Variants in RAPGEF5 observed in about 807,000 individuals in gnomAD.
RAPGEF5 encodes the protein M-Ras-regulated GEF.
Under a neutral mutation model 125.2 loss-of-function variants are expected in RAPGEF5, and 65 were observed. The observed-to-expected ratio is 0.52, with a 90% CI of 0.43 to 0.64. The LOEUF (loss-of-function observed/expected upper bound fraction) is 0.64. RAPGEF5 is among the 30% of genes least tolerant of loss of function. The probability of loss-of-function intolerance (pLI) is 0.00; values close to 1 mark genes in which losing one functional copy is unlikely to be tolerated. For missense variants in RAPGEF5, 958 were observed against 1,048.1 expected (o/e 0.91, Z 1.19); for synonymous variants, 391 against 385.9 (o/e 1.01, Z -0.16).
chr7:22,315,267 C>T (rs1278649050), intron 3 of RAPGEF5, 103 bp downstream of exon 3: 2 of 1,351,824 alleles, frequency 1.5e-6, no homozygotes, highest in African/African-American at 1.5e-5. Flanking sequence ...CCTCCTACTA[C>T]TGATATTGTC....
intron 7 of RAPGEF5, among the ~76,000 whole-genome samples, chr7:22,236,969 C>T (rs1308020982): frequency 6.6e-6 from 1 of 152,204 alleles, no homozygotes; most frequent in Non-Finnish European, 1.5e-5. Flanking sequence ...CCTCAAAGGC[C>T]AGGCCATTAG....
At chr7:22,309,305 A>G (rs1783416769) in intron 4 of RAPGEF5, among the ~76,000 whole-genome samples, 2 of 152,224 alleles carry the variant, frequency 1.3e-5, no homozygotes, top group South Asian at 4.1e-4. Context: ...TATCTGTACC[A>G]TTCTTTCACA....
chr7:22,129,777 C>T (rs187906010), intron 24 of RAPGEF5, among the ~76,000 whole-genome samples: 1 of 152,236 alleles, frequency 6.6e-6, no homozygotes, highest in East Asian at 1.9e-4. Flanking sequence ...TGATGGTCTT[C>T]GGTGTGGTTA....
At chr7:22,324,279 C>T (rs187975027) in intron 1 of RAPGEF5, among the ~76,000 whole-genome samples, 1 of 152,218 alleles carries the variant, frequency 6.6e-6, no homozygotes, top group African/African-American at 2.4e-5. Flanking sequence ...AAGTAACTGG[C>T]CTGTACTTTG....
chr7:22,145,857 T>G (rs1016348521), intron 19 of RAPGEF5, among the ~76,000 whole-genome samples: 2 of 152,140 alleles, frequency 1.3e-5, no homozygotes, highest in Middle Eastern at 3.2e-3. Flanking sequence ...GAGAATGAGA[T>G]TAGGGCAAGG....
intron 20 of RAPGEF5, among the ~76,000 whole-genome samples, chr7:22,141,276 T>TC (rs1783251270): frequency 6.6e-6 from 1 of 152,252 alleles, no homozygotes; most frequent in Admixed American, 6.5e-5. Flanking sequence ...GTGATTTTTT[T>TC]CCCATTACAT....
At chr7:22,173,332 C>A (rs534052040) in intron 11 of RAPGEF5, among the ~76,000 whole-genome samples, 1 of 152,318 alleles carries the variant, frequency 6.6e-6, no homozygotes, top group South Asian at 2.1e-4. Context: ...ATATTAACGA[C>A]CTCGAACGCA....
intron 7 of RAPGEF5, among the ~76,000 whole-genome samples, chr7:22,237,868 T>C (rs1448620542): frequency 6.6e-6 from 1 of 152,182 alleles, no homozygotes; most frequent in African/African-American, 2.4e-5. Flanking sequence ...AGGTAGTCAA[T>C]TCAGACAGTA....
At chr7:22,316,108 T>C (rs114042762) in intron 2 of RAPGEF5, among the ~76,000 whole-genome samples, 2,606 of 152,210 alleles carry the variant, frequency 0.017, 66 homozygotes, top group African/African-American at 0.059. Flanking sequence ...TATGAGTCTC[T>C]GGTTCTTGGA....
intron 25 of RAPGEF5, among the ~76,000 whole-genome samples, chr7:22,124,062 T>C (rs769527012): frequency 1.4e-4 from 22 of 152,250 alleles, no homozygotes; most frequent in African/African-American, 4.1e-4. Flanking sequence ...ACTGGCTTGA[T>C]AGTTACTTAA....
chr7:22,253,432 A>G (rs911569044), intron 7 of RAPGEF5, among the ~76,000 whole-genome samples: 2 of 152,204 alleles, frequency 1.3e-5, no homozygotes, highest in East Asian at 1.9e-4. Flanking sequence ...GGAAAAATCA[A>G]TTCTGAGAGG....
rs758972263 is a variant in RAPGEF5 at position 22,219,919 on chromosome 7, C to T, written c.943G>A (p.Glu315Lys). Residue 315 changes from glutamate to lysine, a missense_variant, in exon 9 of 26, where the codon GAA becomes AAA. Coordinates refer to ENST00000665637, the MANE Select transcript of RAPGEF5 (RefSeq NM_012294.5). The stretch of plus-strand genomic sequence containing the variant: ...TCCGTCTGCAAAAACTGATAGTTTT[C>T]TTTTGCCAGCTTCTGGACTAGTTCA... ...RIELVQKLAK[E>K]NYQFLQTDKK... The T allele has an allele frequency of 6.2e-6, 10 of 1,613,298 alleles. No homozygotes were observed.
At chr7:22,140,917 TA>T (rs796982316) in intron 20 of RAPGEF5, among the ~76,000 whole-genome samples, 2 of 151,446 alleles carry the variant, frequency 1.3e-5, no homozygotes, top group Admixed American at 6.6e-5. Context: ...TTTAAAATAA[TA>T]AAAAAAAATT....
intron 9 of RAPGEF5, among the ~76,000 whole-genome samples, chr7:22,217,084 T>C (rs1785656069): frequency 6.6e-6 from 1 of 152,372 alleles, no homozygotes; most frequent in East Asian, 1.9e-4. Flanking sequence ...TGAAGGTTAG[T>C]CAAAAGAATG....
chr7:22,355,836 G>T, intron 1 of RAPGEF5: 1 of 512,942 alleles, frequency 1.9e-6, no homozygotes, highest in Non-Finnish European at 2.5e-6. Flanking sequence ...AGAGCTAGAA[G>T]TCTCCCAGCA....
chr7:22,284,067 C>CTGTGTGTG lies in RAPGEF5; in HGVS notation c.747+7100_747+7107dup, dbSNP rs1554273151. The stretch of plus-strand genomic sequence containing the variant: ...TGGCTTAGTAATTAATTTTAAAAAG[C>CTGTGTGTG]TGTGTGTGTGTGTGTGTGTGTGCGC... On this transcript the variant is annotated intron_variant, in intron 6 of 25. Transcript: ENST00000665637. Among the ~76,000 whole-genome samples the CTGTGTGTG allele has an allele frequency of 1.4e-3, 209 of 149,682 alleles. 2 individuals carry two copies. The South Asian group carries it at 0.016, about 12-fold the overall frequency.
At chr7:22,130,318 C>T (rs1782875125) in intron 24 of RAPGEF5, among the ~76,000 whole-genome samples, 1 of 152,160 alleles carries the variant, frequency 6.6e-6, no homozygotes, top group African/African-American at 2.4e-5. Flanking sequence ...TGCTCAAGGG[C>T]AAGTCAGAAA....
At chr7:22,325,983 C>G (rs1783806794) in intron 1 of RAPGEF5, among the ~76,000 whole-genome samples, 1 of 152,202 alleles carries the variant, frequency 6.6e-6, no homozygotes, top group African/African-American at 2.4e-5. Context: ...GAAAAATGTT[C>G]TCTTTTCAAT....
In RAPGEF5 at chr7:22,204,090, T is replaced by C. The variant is rs115641286; in HGVS notation, c.997-10057A>G. Among the ~76,000 whole-genome samples, 818 of 152,300 alleles carry C rather than the reference T, an allele frequency of 5.4e-3. 11 individuals carry two copies. Among genetic ancestry groups the C allele is most frequent in the African/African-American group, 0.019 (785 of 41,568 alleles). Reference sequence around the variant, plus strand: ...GTTTGAATAATCCATGGCAGCAGTTTTACAGAAGCCTTTACAACTGAACAA... The same window carrying C: ...GTTTGAATAATCCATGGCAGCAGTTCTACAGAAGCCTTTACAACTGAACAA... On this transcript the variant is annotated intron_variant, in intron 9 of 25. Transcript: ENST00000665637.
Sources: gnomAD v4.1 joint callset for allele counts (sites outside exome capture counted in the v4.1 genomes callset) on GRCh38, gnomAD v4.1.1 for gene constraint, MANE v1.5 for transcripts, NCBI Gene and HGNC (gene_info 2026-07-23, HGNC 2026-07-21) for gene names.